The following LARGE2 variants were observed in gnomAD, a reference collection of about 807,000 sequenced individuals.
LARGE2 encodes LARGE xylosyl- and glucuronyltransferase 2.
LARGE2 carries 63 observed loss-of-function variants against 75.3 expected under a neutral mutation model. The ratio of observed to expected loss-of-function variants is 0.84; its 90% CI spans 0.68 to 1.03. LARGE2 has a LOEUF of 1.03. Ranked by LOEUF, LARGE2 falls within the 50% of genes least tolerant of loss-of-function variation. The probability of loss-of-function intolerance (pLI) is 0.00; values close to 1 mark genes in which losing one functional copy is unlikely to be tolerated. For synonymous variants in LARGE2, 428 were observed against 420.1 expected, an observed-to-expected ratio of 1.02 and a Z score of -0.23; for missense variants, 925 against 980.6, an observed-to-expected ratio of 0.94 and a Z score of 0.76.
intron 3 of LARGE2, among the ~76,000 whole-genome samples, 200 bp from the exon 4 acceptor site, chr11:45,923,954 C>G (rs2087030473): frequency 7.0e-6 from 1 of 142,840 alleles, no homozygotes; most frequent in East Asian, 2.1e-4. Context: ...CCACTGCACT[C>G]CAGCCTGGGC....
At chr11:45,928,131 C>G in intron 12 of LARGE2, 46 bp from the exon 13 acceptor site, 1 of 1,612,902 alleles carries the variant, frequency 6.2e-7, no homozygotes, top group Non-Finnish European at 8.5e-7. Flanking sequence ...CCACTACCCA[C>G]GAGCTCCTAG....
At position 45,927,395 on chromosome 11, in the gene LARGE2, A is replaced by G; in HGVS notation, c.1406A>G (p.Gln469Arg). 1.2e-6 allele frequency: 2 copies of G among 1,614,028 alleles called. No homozygotes were observed. The highest frequency in any genetic ancestry group is 1.1e-5 in the South Asian group (1 of 91,080). Reference protein sequence around the residue: ...LALYLTDAEAQQFLHFVEASP... With the variant: ...LALYLTDAEARQFLHFVEASP... ...TTGTACCTGACAGACGCAGAAGCTC[A>G]GCAGTTCCTGCATTTCGTCGAGGCC... The change falls in exon 11 of 14, where the codon CAG becomes CGG. Residue 469 changes from glutamine (Q) to arginine (R), a missense_variant. By Grantham distance (43) the Gln-to-Arg change is conservative. Coordinates refer to ENST00000401752, the MANE Select transcript of LARGE2 (RefSeq NM_001300721.2).
At position 45,923,027 on chromosome 11, in the gene LARGE2, C is replaced by A. The variant is rs1431623638; in HGVS notation, c.145C>A (p.Pro49Thr). 7.2e-7 allele frequency: 1 copy of A among 1,394,542 alleles called. No individual in the cohort carries two copies. 86.4% of individuals were successfully genotyped at this position (1,394,542 alleles called of 1,614,324 possible). A position where few individuals can be genotyped will look rare whatever the true frequency, so the allele number is the denominator to read the frequency against. The stretch of plus-strand genomic sequence containing the variant: ...GCGAGCGGGGGCCCCGGGATGCTTC[C>A]CCGGCCCGCTCATGCCACGTGTCCC... Reference protein sequence around the residue: ...GGRAGAPGCFPGPLMPRVPPD... With the variant: ...GGRAGAPGCFTGPLMPRVPPD... Residue 49 changes from proline to threonine, a missense_variant, in exon 2 of 14, where the codon CCC becomes ACC. Physicochemically the swap from Pro to Thr is conservative, Grantham distance 38 (BLOSUM62 -1). Transcript: ENST00000401752.
rs1399455912 is a variant in LARGE2 at position 45,927,353 on chromosome 11, G to T, written c.1364G>T (p.Gly455Val). The stretch of plus-strand genomic sequence containing the variant: ...GAAGCCCTGTGCAGGCACTGGCCTG[G>T]CCCCATGAGCCTGGCCTTGTACCTG... Reference protein sequence around the residue: ...MLEALCRHWPGPMSLALYLTD... With the variant: ...MLEALCRHWPVPMSLALYLTD... Residue 455 changes from glycine (G) to valine (V), a missense_variant, in exon 11 of 14, where the codon GGC becomes GTC. Physicochemically the swap from Gly to Val is moderately radical, Grantham distance 109 (BLOSUM62 -3). Transcript: ENST00000401752. 1 of 1,613,756 alleles carries T rather than the reference G, an allele frequency of 6.2e-7. No individual in the cohort carries two copies. The highest frequency in any genetic ancestry group is 8.5e-7 in the Non-Finnish European group (1 of 1,180,016).
At chr11:45,926,676 C>G (rs759697002) in intron 9 of LARGE2, 35 bp from the exon 10 acceptor site, 2 of 1,611,816 alleles carry the variant, frequency 1.2e-6, no homozygotes, top group Admixed American at 1.7e-5. Flanking sequence ...TTGTTCTGCC[C>G]TATCCCCGGT....
intron 10 of LARGE2, among the ~76,000 whole-genome samples, chr11:45,927,099 A>C (rs1399212878): frequency 6.6e-6 from 1 of 152,180 alleles, no homozygotes; most frequent in Admixed American, 6.5e-5. Flanking sequence ...AAGTCTTCAT[A>C]TCTCTGGCCC....
chr11:45,928,504 A>C lies in LARGE2; in HGVS notation c.1951-126A>C, dbSNP rs578129419. 518 of 1,530,810 alleles carry C rather than the reference A, an allele frequency of 3.4e-4. 7 individuals are homozygous for C. In the South Asian group the frequency reaches 6.3e-3, roughly 19 times the overall value. The allele number at this position is 1,530,810 out of a possible 1,614,324, so 94.8% of individuals were successfully genotyped here. On this transcript the variant is annotated intron_variant, in intron 13 of 13. Transcript: ENST00000401752. ...AATGTCCCCCTTCTGTGGAATTAAA[A>C]TAATCTGCCCTTTGGCCCTTGCTTT...
Position 45,926,236 on chromosome 11 carries a change from T to C in LARGE2, c.897T>C (p.Ala299=). The C allele has an allele frequency of 6.2e-7, 1 of 1,614,138 alleles. No homozygotes were observed. The highest frequency in any genetic ancestry group is 1.1e-5 in the South Asian group (1 of 91,092). ...TCTCTGCTCAGGACATCTTCAACGC[T>C]GTGATCAAGGAGCACCCGGGGCTAG... is the stretch of plus-strand genomic sequence containing the variant. ...TSLADQDIFN[A]VIKEHPGLVQ... The change falls in exon 8 of 14, where the codon GCT becomes GCC. Residue 299 remains alanine, a synonymous_variant. Transcript: ENST00000401752.
At position 45,926,531 on chromosome 11, in the gene LARGE2, C is replaced by T. The variant is rs966726849; in HGVS notation, c.1098C>T (p.Tyr366=). ...ATTTCTACCTGACCTTCCTGGAGTACGATGGGAACCTGCTGCGGAGAGAGC... is the reference window on the plus strand; with the variant it reads ...ATTTCTACCTGACCTTCCTGGAGTATGATGGGAACCTGCTGCGGAGAGAGC... ...FRNFYLTFLE[Y]DGNLLRRELF... The change falls in exon 9 of 14, where the codon TAC becomes TAT. Residue 366 remains tyrosine (Y), a synonymous_variant. Coordinates refer to ENST00000401752, the MANE Select transcript of LARGE2 (RefSeq NM_001300721.2). 7 of 1,614,014 alleles carry T rather than the reference C, an allele frequency of 4.3e-6. No homozygotes were observed. The highest frequency in any genetic ancestry group is 1.7e-5 in the Admixed American group (1 of 60,004).
intron 6 of LARGE2, among the ~76,000 whole-genome samples, chr11:45,925,536 A>C (rs1178723780): frequency 2.6e-5 from 4 of 152,112 alleles, no homozygotes; most frequent in Non-Finnish European, 4.4e-5. Flanking sequence ...CGTACCTGTA[A>C]TCCCAGCTAC....
In LARGE2 at chr11:45,928,027, A is replaced by G. The variant is rs1443250906; in HGVS notation, c.1712A>G (p.Glu571Gly). Reference sequence around the variant, plus strand: ...TTCAGCTTCCCCCATTCCAAGGTGGAGCTGTTGGCCTTGCTGGATGCGGGC... The same window carrying G: ...TTCAGCTTCCCCCATTCCAAGGTGGGGCTGTTGGCCTTGCTGGATGCGGGC... ...YRFSFPHSKVELLALLDAGTL... is the reference protein window; with the variant it reads ...YRFSFPHSKVGLLALLDAGTL... Residue 571 changes from glutamate to glycine, a missense_variant, in exon 12 of 14, where the codon GAG (glutamate) becomes GGG (glycine). Physicochemically the swap from Glu to Gly is moderately conservative, Grantham distance 98 (BLOSUM62 -2). Around this residue, in one of 3 missense-constraint regions of LARGE2, gnomAD observed 469 missense variants for 503.8 expected, o/e 0.93. Coordinates refer to ENST00000401752, the MANE Select transcript of LARGE2 (RefSeq NM_001300721.2). 3.1e-6 allele frequency: 5 copies of G among 1,613,864 alleles called. No homozygotes were observed. Among genetic ancestry groups the G allele is most frequent in the Non-Finnish European group, 4.2e-6 (5 of 1,180,014 alleles).
In LARGE2 at chr11:45,928,840, G is replaced by T; in HGVS notation, c.2161G>T (p.Gly721Cys). ...GCAGCAGCCCCAGAGCCCTGCCCGA[G>T]GCTGAGGCTGGGCCGGCGCTGCCCC... ...ALQQPQSPAR[G>C] The change falls in exon 14 of 14, where the codon GGC (glycine) becomes TGC (cysteine). Residue 721 changes from glycine (G) to cysteine (C), a missense_variant. Around this residue, in one of 3 missense-constraint regions of LARGE2, gnomAD observed 469 missense variants for 503.8 expected, o/e 0.93. Transcript: ENST00000401752. 6.2e-7 allele frequency: 1 copy of T among 1,613,102 alleles called. No individual in the cohort carries two copies. The highest frequency in any genetic ancestry group is 8.5e-7 in the Non-Finnish European group (1 of 1,179,856).
At chr11:45,923,319 C>G in intron 2 of LARGE2, 152 bp downstream of exon 2, 1 of 1,101,316 alleles carries the variant, frequency 9.1e-7, no homozygotes, top group South Asian at 1.6e-5. Context: ...CCTCTGCTCC[C>G]GACCTCATTT....
At chr11:45,924,121 G>T in intron 3 of LARGE2, 33 bp from the exon 4 acceptor site, 2 of 1,603,646 alleles carry the variant, frequency 1.2e-6, no homozygotes, top group Non-Finnish European at 8.5e-7. Context: ...TCCTGCTGGG[G>T]CCTCTCAGGC....
At chr11:45,927,722 T>C (rs1447718156) in intron 11 of LARGE2, 129 bp downstream of exon 11, 1 of 1,460,760 alleles carries the variant, frequency 6.8e-7, no homozygotes, top group East Asian at 2.3e-5. Context: ...GGGTTTGTAT[T>C]AGGCTGTTTC....
chr11:45,926,780 G>A lies in LARGE2; in HGVS notation c.1234G>A (p.Val412Met), dbSNP rs2087170376. Reference protein sequence around the residue: ...CFEFRQQQLTVHRVHVTFLPH... With the variant: ...CFEFRQQQLTMHRVHVTFLPH... ...TGAGTTCCGGCAGCAGCAGCTCACT[G>A]TGCACCGTGTGCATGTCACTTTCCT... Residue 412 changes from valine to methionine, a missense_variant, in exon 10 of 14, where the codon GTG becomes ATG. Transcript: ENST00000401752. 6.2e-7 allele frequency: 1 copy of A among 1,613,612 alleles called. No homozygotes were observed. The highest frequency in any genetic ancestry group is 8.5e-7 in the Non-Finnish European group (1 of 1,180,012).
At chr11:45,923,192 G>T in intron 2 of LARGE2, 25 bp downstream of exon 2, 1 of 1,321,930 alleles carries the variant, frequency 7.6e-7, no homozygotes, top group Non-Finnish European at 9.6e-7. Context: ...CCCTGGCGGC[G>T]GGAGTCCTGG....
At position 45,923,052 on chromosome 11, in the gene LARGE2, C is replaced by G. The variant is rs1361723342; in HGVS notation, c.170C>G (p.Pro57Arg). 1.4e-6 allele frequency: 2 copies of G among 1,417,354 alleles called. No individual in the cohort carries two copies. Among genetic ancestry groups the G allele is most frequent in the African/African-American group, 1.5e-5 (1 of 66,826 alleles). The allele number at this position is 1,417,354 out of a possible 1,614,324, so 87.8% of individuals were successfully genotyped here. The part of the protein sequence containing the change: ...CFPGPLMPRV[P>R]PDGRLRRAAA... ...CCCGGCCCGCTCATGCCACGTGTCC[C>G]CCCAGACGGGAGGCTGCGGAGAGCC... is the stretch of plus-strand genomic sequence containing the variant. The change falls in exon 2 of 14, where the codon CCC becomes CGC. Residue 57 changes from proline to arginine, a missense_variant. Pro to Arg is a moderately radical substitution (Grantham distance 103). Transcript: ENST00000401752.
At chr11:45,924,071 C>T in intron 3 of LARGE2, 83 bp from the exon 4 acceptor site, 1 of 1,458,012 alleles carries the variant, frequency 6.9e-7, no homozygotes, top group South Asian at 1.2e-5. Context: ...ATGGCGCTTC[C>T]ATCTCTGCGC....
Sources: gnomAD v4.1 joint callset for allele counts (sites outside exome capture counted in the v4.1 genomes callset) on GRCh38, gnomAD v4.1.1 for gene constraint, gnomAD v4.1.1 regional missense constraint, MANE v1.5 for transcripts, NCBI Gene and HGNC (gene_info 2026-07-23, HGNC 2026-07-21) for gene names.